The following KDM6B variants were observed in gnomAD, a reference collection of about 807,000 sequenced individuals.
The protein encoded by KDM6B is lysine demethylase 6B, also known as lysine-specific demethylase 6B.
In KDM6B, 22 loss-of-function variants were observed where a neutral mutation model predicts 150.4. The observed-to-expected ratio is 0.15, with a 90% CI of 0.10 to 0.21. KDM6B has a LOEUF of 0.21. Ranked by LOEUF, KDM6B falls within the 10% of genes least tolerant of loss-of-function variation. The probability of loss-of-function intolerance (pLI) is 1.00; values close to 1 mark genes in which losing one functional copy is unlikely to be tolerated. For synonymous variants in KDM6B, 1,148 were observed against 921.1 expected, an observed-to-expected ratio of 1.25 and a Z score of -4.46; for missense variants, 1,984 against 2,234.3, an observed-to-expected ratio of 0.89 and a Z score of 2.26.
intron 1 of KDM6B, among the ~76,000 whole-genome samples, chr17:7,836,502 A>C (rs1597815445): frequency 1.3e-5 from 2 of 152,080 alleles, no homozygotes; most frequent in East Asian, 3.9e-4. Flanking sequence ...CTGCAGATGG[A>C]AGACGGAGCC....
intron 23 of KDM6B, 21 bp downstream of exon 23, chr17:7,853,401 C>T (rs1401948185): frequency 3.9e-6 from 6 of 1,535,802 alleles, no homozygotes; most frequent in Non-Finnish European, 5.2e-6. Context: ...GGCGGGCGCG[C>T]GGGCAGCGGA....
In KDM6B at chr17:7,854,517, C is replaced by G. The variant is rs558592456; in HGVS notation, c.*996C>G. ...CAACTTTAAAAAACACAGACCTTCACCCCCACCCCCTTTTCTTTTTAAGTG... is the reference window on the plus strand; with the variant it reads ...CAACTTTAAAAAACACAGACCTTCAGCCCCACCCCCTTTTCTTTTTAAGTG... On this transcript the variant is annotated 3_prime_UTR_variant, in exon 24 of 24. Coordinates refer to ENST00000448097, the MANE Select transcript of KDM6B (RefSeq NM_001348716.2). 2 of 152,556 alleles carry G rather than the reference C, an allele frequency of 1.3e-5. No individual in the cohort carries two copies. The highest frequency in any genetic ancestry group is 1.3e-4 in the Admixed American group (2 of 15,298). 9.5% of individuals were successfully genotyped at this position (152,556 alleles called of 1,614,324 possible). A position where few individuals can be genotyped will look rare whatever the true frequency, so the allele number is the denominator to read the frequency against.
rs757595438 is a variant in KDM6B at position 7,848,933 on chromosome 17, G to A, written c.2645G>A (p.Arg882His). The change falls in exon 12 of 24, where the codon CGC becomes CAC. Residue 882 changes from arginine (R) to histidine (H), a missense_variant. By Grantham distance (29) the Arg-to-His change is conservative (BLOSUM62 0). Around this residue, in one of 13 missense-constraint regions of KDM6B, gnomAD observed 1,379 missense variants for 1,275.6 expected, o/e 1.08. Transcript: ENST00000448097. ...TCAGGCGGGCCCTGGGCCCGGGAGC[G>A]CAGGGCGGGCGAAGAGCCAGTCCCG... ...STSGGPWARE[R>H]RAGEEPVPGP... 21 of 1,597,190 alleles carry A rather than the reference G, an allele frequency of 1.3e-5. No homozygotes were observed. In the East Asian group the frequency reaches 1.3e-4, roughly 10 times the overall value.
Position 7,847,581 on chromosome 17 carries a change from G to A in KDM6B, c.1293G>A (p.Glu431=). The stretch of plus-strand genomic sequence containing the variant: ...ACCATTACCAAACTCCCGCGCTGGA[G>A]GTCTCTCACCATGGCCGCCTGGGGC... ...GADHYQTPAL[E]VSHHGRLGPS... The change falls in exon 12 of 24, where the codon GAG becomes GAA. Residue 431 remains glutamate (E), a synonymous_variant. Transcript: ENST00000448097. 1 of 1,612,986 alleles carries A rather than the reference G, an allele frequency of 6.2e-7. No individual in the cohort carries two copies. Among genetic ancestry groups the A allele is most frequent in the African/African-American group, 1.3e-5 (1 of 74,920 alleles).
rs1219711083 is a variant in KDM6B at position 7,853,141 on chromosome 17, T to C, written c.4737+15T>C. The C allele has an allele frequency of 6.2e-7, 1 of 1,614,094 alleles. No individual in the cohort carries two copies. The highest frequency in any genetic ancestry group is 8.5e-7 in the Non-Finnish European group (1 of 1,180,002). On this transcript the variant is annotated intron_variant, in intron 22 of 23. Coordinates refer to ENST00000448097, the MANE Select transcript of KDM6B (RefSeq NM_001348716.2). ...ACGAGTGCGATGTGAGTGGGCCGGC[T>C]CTGCTGCTCTCCCTGAGTGTCCACA...
At chr17:7,853,439 C>T (rs1266729653) in intron 23 of KDM6B, 59 bp downstream of exon 23, 2 of 1,523,826 alleles carry the variant, frequency 1.3e-6, no homozygotes, top group East Asian at 2.5e-5. Flanking sequence ...GCTGCAGGGA[C>T]GGGCTTCGGG....
Position 7,853,498 on chromosome 17 carries a change from GC to G in KDM6B, c.4913del (p.Pro1638GlnfsTer32). On this transcript the variant is annotated frameshift_variant and splice_region_variant, in exon 24 of 24. Coordinates refer to ENST00000448097, the MANE Select transcript of KDM6B (RefSeq NM_001348716.2). LOFTEE classifies it high-confidence loss of function. ...LAQAYDAFTL[A>X]PASTSR ...GCCCCCGCCGGCTTTCTCCCCCCAG[GC>G]CCCAGCCAGCACGTCGCGATGAGGC... is the stretch of plus-strand genomic sequence containing the variant. 2 of 1,508,084 alleles carry G rather than the reference GC, an allele frequency of 1.3e-6. No homozygotes were observed. Among genetic ancestry groups the G allele is most frequent in the Non-Finnish European group, 1.8e-6 (2 of 1,135,210 alleles). 93.4% of individuals were successfully genotyped at this position (1,508,084 alleles called of 1,614,324 possible).
rs949567563 is a variant in KDM6B, at chr17:7,853,475, C to T, written c.4909-23C>T. Reference sequence around the variant, plus strand: ...AGCCCGGCCGCGCCTTTCCCTGAGCCCCCGCCGGCTTTCTCCCCCCAGGCC... The same window carrying T: ...AGCCCGGCCGCGCCTTTCCCTGAGCTCCCGCCGGCTTTCTCCCCCCAGGCC... On this transcript the variant is annotated intron_variant, in intron 23 of 23. Transcript: ENST00000448097. 49 of 1,504,190 alleles carry T rather than the reference C, an allele frequency of 3.3e-5. No individual in the cohort carries two copies. The African/African-American group carries it at 5.6e-4, about 17-fold the overall frequency. 93.2% of individuals were successfully genotyped at this position (1,504,190 alleles called of 1,614,324 possible). A position where few individuals can be genotyped will look rare whatever the true frequency, so the allele number is the denominator to read the frequency against.
Position 7,848,358 on chromosome 17 carries a change from C to A in KDM6B, c.2070C>A (p.Ile690=), listed in dbSNP as rs748619787. 1.9e-6 allele frequency: 3 copies of A among 1,612,978 alleles called. No homozygotes were observed. In the East Asian group the frequency reaches 6.7e-5, roughly 36 times the overall value. Reference sequence around the variant, plus strand: ...TTGAGGAGCCAGCCGAATTCAAGATCCTACCTGATGGGCTGGCCAACATCA... The same window carrying A: ...TTGAGGAGCCAGCCGAATTCAAGATACTACCTGATGGGCTGGCCAACATCA... ...DQFEEPAEFK[I]LPDGLANIMK... Residue 690 remains isoleucine, a synonymous_variant, in exon 12 of 24, where the codon ATC becomes ATA. Transcript: ENST00000448097.
chr17:7,848,371 C>A lies in KDM6B; in HGVS notation c.2083C>A (p.Leu695Met). The stretch of plus-strand genomic sequence containing the variant: ...CGAATTCAAGATCCTACCTGATGGG[C>A]TGGCCAACATCATGAAGATGCTGGA... ...PAEFKILPDG[L>M]ANIMKMLDES... is the part of the protein sequence containing the mutation. Residue 695 changes from leucine (L) to methionine (M), a missense_variant, in exon 12 of 24, where the codon CTG becomes ATG. Leu to Met is a conservative substitution (Grantham distance 15, BLOSUM62 2). Around this residue, in one of 13 missense-constraint regions of KDM6B, gnomAD observed 1,379 missense variants for 1,275.6 expected, o/e 1.08. Transcript: ENST00000448097. 1 of 1,613,024 alleles carries A rather than the reference C, an allele frequency of 6.2e-7. No homozygotes were observed. The highest frequency in any genetic ancestry group is 1.1e-5 in the South Asian group (1 of 91,088).
rs1279432756 is a variant in KDM6B, at chr17:7,845,323, T to C, written c.-139T>C. The stretch of plus-strand genomic sequence containing the variant: ...TTTTCCTTCTCTCTAGAATTGGCTG[T>C]GAAAGGACTGAGGCAGCCATCTGGG... On this transcript the variant is annotated 5_prime_UTR_variant, in exon 4 of 24. Transcript: ENST00000448097. 4.8e-6 allele frequency: 3 copies of C among 625,940 alleles called. No individual in the cohort carries two copies. In the African/African-American group the frequency reaches 5.5e-5, roughly 11 times the overall value. The allele number at this position is 625,940 out of a possible 1,614,324, so 38.8% of individuals were successfully genotyped here. A position where few individuals can be genotyped will look rare whatever the true frequency, so the allele number is the denominator to read the frequency against.
In KDM6B at chr17:7,848,431, C is replaced by A; in HGVS notation, c.2143C>A (p.His715Asn). 6.2e-7 allele frequency: 1 copy of A among 1,613,122 alleles called. No homozygotes were observed. The highest frequency in any genetic ancestry group is 8.5e-7 in the Non-Finnish European group (1 of 1,180,010). Reference protein sequence around the residue: ...SIRKEEEQQQHEAGVAPQPPL... With the variant: ...SIRKEEEQQQNEAGVAPQPPL... ...TCGCAAGGAAGAGGAACAGCAACAA[C>A]ACGAAGCAGGCGTGGCCCCCCAACC... is the stretch of plus-strand genomic sequence containing the variant. Residue 715 changes from histidine (H) to asparagine (N), a missense_variant, in exon 12 of 24, where the codon CAC becomes AAC. Transcript: ENST00000448097.
At position 7,850,216 on chromosome 17, in the gene KDM6B, A is replaced by G. The variant is rs368089242; in HGVS notation, c.3673+39A>G. On this transcript the variant is annotated intron_variant, in intron 14 of 23. Coordinates refer to ENST00000448097, the MANE Select transcript of KDM6B (RefSeq NM_001348716.2). ...GCAGAAAGTGTTAGGGAGGGCTACA[A>G]GGGTCTGGGGCATGTAGGACCCTCT... The G allele has an allele frequency of 7.8e-6, 12 of 1,543,868 alleles. No homozygotes were observed. In the African/African-American group the frequency reaches 1.4e-4, roughly 18 times the overall value.
At position 7,848,973 on chromosome 17, in the gene KDM6B, C is replaced by T; in HGVS notation, c.2685C>T (p.Pro895=). The change falls in exon 12 of 24, where the codon CCC becomes CCT. Residue 895 remains proline (P), a synonymous_variant. Coordinates refer to ENST00000448097, the MANE Select transcript of KDM6B (RefSeq NM_001348716.2). ...GEEPVPGPMT[P]TQPPPPLSLP... ...AGCCAGTCCCGGGCCCCATGACCCC[C>T]ACCCAACCGCCCCCACCCCTATCTC... is the stretch of plus-strand genomic sequence containing the variant. The T allele has an allele frequency of 1.3e-6, 2 of 1,558,196 alleles. No homozygotes were observed. Among genetic ancestry groups the T allele is most frequent in the Non-Finnish European group, 1.7e-6 (2 of 1,147,240 alleles).
Position 7,845,325 on chromosome 17 carries a change from A to G in KDM6B, c.-137A>G. ...TTCCTTCTCTCTAGAATTGGCTGTG[A>G]AAGGACTGAGGCAGCCATCTGGGGG... On this transcript the variant is annotated 5_prime_UTR_variant, in exon 4 of 24. Coordinates refer to ENST00000448097, the MANE Select transcript of KDM6B (RefSeq NM_001348716.2). 1.6e-6 allele frequency: 1 copy of G among 627,610 alleles called. No homozygotes were observed. The highest frequency in any genetic ancestry group is 2.7e-5 in the East Asian group (1 of 36,482). The allele number at this position is 627,610 out of a possible 1,614,324, so 38.9% of individuals were successfully genotyped here.
Position 7,848,249 on chromosome 17 carries a change from A to G in KDM6B, c.1961A>G (p.Gln654Arg). The change falls in exon 12 of 24, where the codon CAG (glutamine) becomes CGG (arginine). Residue 654 changes from glutamine to arginine, a missense_variant. By Grantham distance (43) the Gln-to-Arg change is conservative. Around this residue, in one of 13 missense-constraint regions of KDM6B, gnomAD observed 1,379 missense variants for 1,275.6 expected, o/e 1.08. Transcript: ENST00000448097. ...PPPGPLSKAP[Q>R]PVPPGVGELP... ...CCAGGCCCCCTGAGTAAAGCCCCCC[A>G]GCCTGTGCCGCCCGGGGTTGGGGAG... 1 of 1,599,124 alleles carries G rather than the reference A, an allele frequency of 6.3e-7. No individual in the cohort carries two copies. Among genetic ancestry groups the G allele is most frequent in the South Asian group, 1.1e-5 (1 of 90,488 alleles).
intron 7 of KDM6B, 29 bp from the exon 8 acceptor site, chr17:7,846,371 G>GGGGGGGGGCCCGGGGGGCCCCCCCCC: frequency 6.7e-7 from 1 of 1,488,926 alleles, no homozygotes; most frequent in Non-Finnish European, 9.2e-7. Context: ...CCTGACATCT[G>GGGGGGGGGCCCGGGGGGCCCCCCCCC]CCCCTGCCCC....
chr17:7,836,106 A>G (rs961070298), intron 1 of KDM6B, among the ~76,000 whole-genome samples: 3 of 152,066 alleles, frequency 2.0e-5, no homozygotes, highest in Admixed American at 2.0e-4. Flanking sequence ...CCCCTTCCCA[A>G]GGCTTCTCCC....
At chr17:7,837,548 C>G (rs1313429335) in intron 1 of KDM6B, among the ~76,000 whole-genome samples, 1 of 152,090 alleles carries the variant, frequency 6.6e-6, no homozygotes, top group African/African-American at 2.4e-5. Context: ...CTTTTATGTA[C>G]CTTAGAGCTT....
Sources: gnomAD v4.1 joint callset for allele counts (sites outside exome capture counted in the v4.1 genomes callset) on GRCh38, gnomAD v4.1.1 for gene constraint, gnomAD v4.1.1 regional missense constraint, MANE v1.5 for transcripts, NCBI Gene and HGNC (gene_info 2026-07-23, HGNC 2026-07-21) for gene names.